Variants in ATN1 observed in about 807,000 individuals in gnomAD.
ATN1 encodes atrophin-1.
A neutral mutation model predicts 85.8 loss-of-function variants in ATN1; 19 were observed. That is an observed-to-expected ratio of 0.22 (90% CI 0.15 to 0.32). ATN1 has a LOEUF of 0.32. ATN1 is among the 10% of genes least tolerant of loss of function. The probability of loss-of-function intolerance (pLI) is 1.00; values close to 1 mark genes in which losing one functional copy is unlikely to be tolerated. For missense variants in ATN1, 1,453 were observed against 1,564.5 expected, an observed-to-expected ratio of 0.93 and a Z score of 1.20; for synonymous variants, 674 against 657.0, an observed-to-expected ratio of 1.03 and a Z score of -0.39.
chr12:6,939,140 G>A lies in ATN1; in HGVS notation c.3177G>A (p.Ser1059=), dbSNP rs781921348. The change falls in exon 7 of 10, where the codon TCG becomes TCA. Residue 1059 remains serine (S), a synonymous_variant. Transcript: ENST00000396684. ...PHHHQHSHIH[S]HLHLHQQDAI... is the part of the protein sequence containing the mutation. ...ACCACCAGCACTCCCACATCCACTC[G>A]CACCTGCACCTGCACCAGCAAGATG... The A allele has an allele frequency of 3.8e-6, 6 of 1,599,414 alleles. No individual in the cohort carries two copies. In the East Asian group the frequency reaches 8.9e-5, roughly 24 times the overall value.
intron 1 of ATN1, among the ~76,000 whole-genome samples, chr12:6,930,468 C>T (rs1945445509): frequency 6.6e-6 from 1 of 152,122 alleles, no homozygotes; most frequent in African/African-American, 2.4e-5. Context: ...CACTTTCCTC[C>T]CAACCCAGTC....
Position 6,936,816 on chromosome 12 carries a change from C to T in ATN1, c.1549C>T (p.His517Tyr). The T allele has an allele frequency of 6.2e-7, 1 of 1,613,876 alleles. No individual in the cohort carries two copies. Among genetic ancestry groups the T allele is most frequent in the Non-Finnish European group, 8.5e-7 (1 of 1,179,914 alleles). Reference sequence around the variant, plus strand: ...GCCCCCTCCTCCTGGAGCATTTCCCCACCCACTGGAGGGCGGTAGCTCCCA... The same window carrying T: ...GCCCCCTCCTCCTGGAGCATTTCCCTACCCACTGGAGGGCGGTAGCTCCCA... ...SGPPPPGAFP[H>Y]PLEGGSSHHA... The change falls in exon 5 of 10, where the codon CAC (histidine) becomes TAC (tyrosine). Residue 517 changes from histidine to tyrosine, a missense_variant. Physicochemically the swap from His to Tyr is moderately conservative, Grantham distance 83 (BLOSUM62 2). This residue lies in a region of ATN1 where 990 missense variants were observed against 914.8 expected (regional missense o/e 1.08). Coordinates refer to ENST00000396684, the MANE Select transcript of ATN1 (RefSeq NM_001940.4).
At chr12:6,924,771 G>A (rs782107982), upstream of ATN1, among the ~76,000 whole-genome samples, 1 of 152,086 alleles carries the variant, frequency 6.6e-6, no homozygotes, top group African/African-American at 2.4e-5. Context: ...CTCCCTTGGG[G>A]TTTCCTGTAC....
At position 6,936,479 on chromosome 12, in the gene ATN1, A is replaced by G. The variant is rs1555143685; in HGVS notation, c.1212A>G (p.Ala404=). Residue 404 remains alanine (A), a synonymous_variant, in exon 5 of 10, where the codon GCA becomes GCG. Coordinates refer to ENST00000396684, the MANE Select transcript of ATN1 (RefSeq NM_001940.4). ...SSASPFPASQ[A]LPSYPHSFPP... The stretch of plus-strand genomic sequence containing the variant: ...CCTCCCCCTTCCCAGCTTCCCAGGC[A>G]TTGCCCAGCTACCCCCACTCTTTCC... 2.8e-6 allele frequency: 4 copies of G among 1,404,920 alleles called. No homozygotes were observed. In the South Asian group the frequency reaches 4.8e-5, roughly 17 times the overall value. 87.0% of individuals were successfully genotyped at this position (1,404,920 alleles called of 1,614,324 possible). A position where few individuals can be genotyped will look rare whatever the true frequency, so the allele number is the denominator to read the frequency against.
rs1345874694 is a variant in ATN1, at chr12:6,927,986, C to T, written c.-561C>T. Among the ~76,000 whole-genome samples the T allele has an allele frequency of 6.9e-6, 1 of 145,146 alleles. No individual in the cohort carries two copies. The highest frequency in any genetic ancestry group is 6.8e-5 in the Admixed American group (1 of 14,740). On this transcript the variant is annotated 5_prime_UTR_variant, in exon 1 of 10. Coordinates refer to ENST00000396684, the MANE Select transcript of ATN1 (RefSeq NM_001940.4). Reference sequence around the variant, plus strand: ...GCGAGGCGGCCGAGGGGCCCGGGATCGCGCGGGTGCGGGCTGCGCTAGGCG... The same window carrying T: ...GCGAGGCGGCCGAGGGGCCCGGGATTGCGCGGGTGCGGGCTGCGCTAGGCG...
chr12:6,938,402 G>A, intron 6 of ATN1, 79 bp from the exon 7 acceptor site: 1 of 1,480,554 alleles, frequency 6.8e-7, no homozygotes, highest in Non-Finnish European at 9.0e-7. Context: ...TTCGGCTGTC[G>A]AAACAAATGG....
At position 6,933,836 on chromosome 12, in the gene ATN1, A is replaced by G. The variant is rs1266135773; in HGVS notation, c.-162-4A>G. On this transcript the variant is annotated splice_region_variant and splice_polypyrimidine_tract_variant and intron_variant, in intron 1 of 9. Coordinates refer to ENST00000396684, the MANE Select transcript of ATN1 (RefSeq NM_001940.4). Reference sequence around the variant, plus strand: ...TGGAGACTCTGATGGTTTCCTTCTAACAGGTTTCATTGAAAACAGATCCTG... The same window carrying G: ...TGGAGACTCTGATGGTTTCCTTCTAGCAGGTTTCATTGAAAACAGATCCTG... 4.1e-6 allele frequency: 3 copies of G among 726,022 alleles called. No individual in the cohort carries two copies. The East Asian group carries it at 8.1e-5, about 20-fold the overall frequency. 45.0% of individuals were successfully genotyped at this position (726,022 alleles called of 1,614,324 possible). A position where few individuals can be genotyped will look rare whatever the true frequency, so the allele number is the denominator to read the frequency against.
In ATN1 at chr12:6,936,970, TCTCTTC is replaced by T. The variant is rs781810710; in HGVS notation, c.1711_1716del (p.Ser571_Ser572del). On this transcript the variant is annotated inframe_deletion, in exon 5 of 10. Transcript: ENST00000396684. ...CAAGCAGGCCCCAATGGCCCTCCAG[TCTCTTC>T]CTCTTCCAACTCTTCCTCTTCCACT... 1.3e-5 allele frequency: 21 copies of T among 1,613,240 alleles called. No individual in the cohort carries two copies. In the South Asian group the frequency reaches 1.9e-4, roughly 14 times the overall value.
In ATN1 at chr12:6,937,119, A is replaced by G. The variant is rs1732895932; in HGVS notation, c.1852A>G (p.Ile618Val). Residue 618 changes from isoleucine (I) to valine (V), a missense_variant, in exon 5 of 10, where the codon ATT becomes GTT. Around this residue, in one of 6 missense-constraint regions of ATN1, gnomAD observed 990 missense variants for 914.8 expected, o/e 1.08. Coordinates refer to ENST00000396684, the MANE Select transcript of ATN1 (RefSeq NM_001940.4). This position sits in a 1 kb window ranked among gnomAD's most constrained non-coding sequence, Gnocchi z 6.0. Reference sequence around the variant, plus strand: ...CTCTTCGGCTACCCTTTCCACGGTCATTGCCACCGTGGCTTCCTCGCCAGC... The same window carrying G: ...CTCTTCGGCTACCCTTTCCACGGTCGTTGCCACCGTGGCTTCCTCGCCAGC... ...TTSSATLSTV[I>V]ATVASSPAGY... 1 of 1,611,518 alleles carries G rather than the reference A, an allele frequency of 6.2e-7. No individual in the cohort carries two copies. The highest frequency in any genetic ancestry group is 8.5e-7 in the Non-Finnish European group (1 of 1,179,940).
At chr12:6,924,496 C>G (rs970580791), upstream of ATN1, 6 of 152,456 alleles carry the variant, frequency 3.9e-5, no homozygotes, top group East Asian at 1.2e-3. Flanking sequence ...GGAGGAACTT[C>G]AAGGCTGTCC....
At chr12:6,930,816 A>G (rs1565563560) in intron 1 of ATN1, among the ~76,000 whole-genome samples, 1 of 152,016 alleles carries the variant, frequency 6.6e-6, no homozygotes, top group Non-Finnish European at 1.5e-5. Flanking sequence ...ATAAATAAAT[A>G]AATAAATAAA....
chr12:6,925,117 C>CGTGTGCGTGTGTGTGTGTGTGTGTGT (rs1555142455), upstream of ATN1, among the ~76,000 whole-genome samples: 1 of 143,718 alleles, frequency 7.0e-6, no homozygotes, highest in African/African-American at 2.7e-5. Flanking sequence ...TGTGCGTGTG[C>CGTGTGCGTGTGTGTGTGTGTGTGTGT]GTGTGTGTGT....
chr12:6,937,662 G>A lies in ATN1; in HGVS notation c.2294+101G>A. 1 of 1,431,196 alleles carries A rather than the reference G, an allele frequency of 7.0e-7. No homozygotes were observed. The highest frequency in any genetic ancestry group is 1.4e-5 in the African/African-American group (1 of 69,548). The allele number at this position is 1,431,196 out of a possible 1,614,324, so 88.7% of individuals were successfully genotyped here. A position where few individuals can be genotyped will look rare whatever the true frequency, so the allele number is the denominator to read the frequency against. Reference sequence around the variant, plus strand: ...GGGAGGGGCCTTGCGCTGGTGTAGTGTTTTAGAAAAGCACGCCCCTCTCCT... The same window carrying A: ...GGGAGGGGCCTTGCGCTGGTGTAGTATTTTAGAAAAGCACGCCCCTCTCCT... On this transcript the variant is annotated intron_variant, in intron 5 of 9. Transcript: ENST00000396684. The surrounding 1 kb of genome is among the most constrained non-coding windows in gnomAD (Gnocchi z 6.0).
In ATN1 at chr12:6,938,929, T is replaced by C; in HGVS notation, c.2966T>C (p.Phe989Ser). 6.2e-7 allele frequency: 1 copy of C among 1,613,916 alleles called. No individual in the cohort carries two copies. The highest frequency in any genetic ancestry group is 8.5e-7 in the Non-Finnish European group (1 of 1,179,986). ...CCTGGCCCACCTGGCCTGCACCCTTTCCCCTTTCATCCGAGCCTGGGGCCC... is the reference window on the plus strand; with the variant it reads ...CCTGGCCCACCTGGCCTGCACCCTTCCCCCTTTCATCCGAGCCTGGGGCCC... ...LQPGPPGLHP[F>S]PFHPSLGPLE... The change falls in exon 7 of 10, where the codon TTC becomes TCC. Residue 989 changes from phenylalanine to serine, a missense_variant. Phe to Ser is a radical substitution (Grantham distance 155). Coordinates refer to ENST00000396684, the MANE Select transcript of ATN1 (RefSeq NM_001940.4).
chr12:6,938,566 C>T lies in ATN1; in HGVS notation c.2603C>T (p.Ala868Val). The T allele has an allele frequency of 6.2e-7, 1 of 1,614,206 alleles. No individual in the cohort carries two copies. The change falls in exon 7 of 10, where the codon GCG (alanine) becomes GTG (valine). Residue 868 changes from alanine (A) to valine (V), a missense_variant. Transcript: ENST00000396684. ...PHRPPFEPGS[A>V]VATVPPYLGP... Reference sequence around the variant, plus strand: ...CGCCCTCCATTTGAACCGGGCAGTGCGGTGGCTACAGTGCCCCCCTACCTG... The same window carrying T: ...CGCCCTCCATTTGAACCGGGCAGTGTGGTGGCTACAGTGCCCCCCTACCTG...
rs1555143962 is a variant in ATN1 at position 6,937,391 on chromosome 12, G to A, written c.2124G>A (p.Leu708=). ...CGGGGCCCTCAGGCCTGCCATCGCT[G>A]CCACCACCACCTGCGGCCCCTGCCT... The part of the protein sequence containing the change: ...PPAGPSGLPS[L]PPPPAAPASG... Residue 708 remains leucine, a synonymous_variant, in exon 5 of 10, where the codon CTG becomes CTA. Transcript: ENST00000396684. The surrounding 1 kb of genome is among the most constrained non-coding windows in gnomAD (Gnocchi z 6.0). The A allele has an allele frequency of 2.6e-6, 4 of 1,548,998 alleles. No individual in the cohort carries two copies. Among genetic ancestry groups the A allele is most frequent in the Non-Finnish European group, 2.6e-6 (3 of 1,148,020 alleles).
rs1721094143 is a variant in ATN1, at chr12:6,938,865, T to C, written c.2902T>C (p.Leu968=). Residue 968 remains leucine (L), a synonymous_variant, in exon 7 of 10, where the codon TTG becomes CTG. Transcript: ENST00000396684. ...CCTACATGGGGTCCCTGGGCCGGGCTTGGATCCCTTTCCCCGACATGGGGG... is the reference window on the plus strand; with the variant it reads ...CCTACATGGGGTCCCTGGGCCGGGCCTGGATCCCTTTCCCCGACATGGGGG... ...EPLHGVPGPG[L]DPFPRHGGLA... 1 of 1,614,096 alleles carries C rather than the reference T, an allele frequency of 6.2e-7. No individual in the cohort carries two copies. The highest frequency in any genetic ancestry group is 8.5e-7 in the Non-Finnish European group (1 of 1,179,994).
At position 6,936,736 on chromosome 12, in the gene ATN1, AGCAG is replaced by A. The variant is rs1945543132; in HGVS notation, c.1470_1473del (p.Gln490HisfsTer49). ...CACCACCAGCAACAGCAACAGCAGC[AGCAG>A]CAGCAGCAGCAGCAGCAGCAGCAGC... is the stretch of plus-strand genomic sequence containing the variant. On this transcript the variant is annotated frameshift_variant, in exon 5 of 10. Coordinates refer to ENST00000396684, the MANE Select transcript of ATN1 (RefSeq NM_001940.4). LOFTEE classifies it high-confidence loss of function. 1 of 840,050 alleles carries A rather than the reference AGCAG, an allele frequency of 1.2e-6. No individual in the cohort carries two copies. Among genetic ancestry groups the A allele is most frequent in the East Asian group, 4.2e-5 (1 of 23,924 alleles). 52.0% of individuals were successfully genotyped at this position (840,050 alleles called of 1,614,324 possible).
At chr12:6,932,580 C>T (rs782696840) in intron 1 of ATN1, among the ~76,000 whole-genome samples, 1 of 152,108 alleles carries the variant, frequency 6.6e-6, no homozygotes, top group Non-Finnish European at 1.5e-5. Context: ...TAGACAGATA[C>T]GGATGGATTG....
Sources: gnomAD v4.1 joint callset for allele counts (sites outside exome capture counted in the v4.1 genomes callset) on GRCh38, gnomAD v4.1.1 for gene constraint, gnomAD v4.1.1 regional missense constraint, Gnocchi (gnomAD v3.1) non-coding constraint, MANE v1.5 for transcripts, NCBI Gene and HGNC (gene_info 2026-07-23, HGNC 2026-07-21) for gene names.